The following RNF8 variants were observed in gnomAD, a reference collection of about 807,000 sequenced individuals.
RNF8 encodes E3 ubiquitin-protein ligase RNF8.
A neutral mutation model predicts 59.3 loss-of-function variants in RNF8; 8 were observed. That is an observed-to-expected ratio of 0.13 (90% CI 0.08 to 0.24). The LOEUF is 0.24. Among genes scored for constraint, RNF8 ranks in the 10% least tolerant of loss-of-function variants. RNF8 has a pLI of 1.00. For missense variants in RNF8, 406 were observed against 572.6 expected (o/e 0.71, Z 2.97); for synonymous variants, 162 against 200.0 (o/e 0.81, Z 1.60).
chr6:37,366,881 A>G (rs1017175212), intron 2 of RNF8, among the ~76,000 whole-genome samples: 8 of 152,184 alleles, frequency 5.3e-5, no homozygotes, highest in Non-Finnish European at 8.8e-5. Flanking sequence ...TTTCAAGTCT[A>G]TTTTAGGACC....
At chr6:37,387,798 T>C (rs1481109749) in intron 7 of RNF8, among the ~76,000 whole-genome samples, 1 of 151,920 alleles carries the variant, frequency 6.6e-6, no homozygotes, top group African/African-American at 2.4e-5. Flanking sequence ...AAATAAAGGG[T>C]GCTAAGTCAA....
At chr6:37,356,751 T>TG (rs1276418631) in intron 1 of RNF8, among the ~76,000 whole-genome samples, 14 of 152,262 alleles carry the variant, frequency 9.2e-5, no homozygotes, top group African/African-American at 3.1e-4. Context: ...GGCTTTTTTG[T>TG]GGGGTGTTTT....
Position 37,354,215 on chromosome 6 carries a change from C to T in RNF8, c.51C>T (p.Ser17=), listed in dbSNP as rs1418182761. Residue 17 remains serine, a synonymous_variant, in exon 1 of 8, where the codon AGC becomes AGT. Coordinates refer to ENST00000373479, the MANE Select transcript of RNF8 (RefSeq NM_003958.4). ...CAGGAGACCGCGCCGGTGGCCGGAG[C>T]TGGTGCCTGCGGCGGGTGGGGATGA... ...FVTGDRAGGR[S]WCLRRVGMSA... 1.3e-6 allele frequency: 2 copies of T among 1,585,766 alleles called. No homozygotes were observed. Among genetic ancestry groups the T allele is most frequent in the African/African-American group, 1.3e-5 (1 of 74,442 alleles).
intron 7 of RNF8, among the ~76,000 whole-genome samples, chr6:37,390,155 C>A (rs1427250548): frequency 6.6e-5 from 10 of 152,232 alleles, no homozygotes; most frequent in African/African-American, 2.2e-4. Flanking sequence ...TCTTTAACAT[C>A]TTTAACAGAT....
At chr6:37,389,253 G>C (rs1770632184) in intron 7 of RNF8, among the ~76,000 whole-genome samples, 1 of 151,756 alleles carries the variant, frequency 6.6e-6, no homozygotes, top group Non-Finnish European at 1.5e-5. Context: ...AACAAGATAA[G>C]GATGAAAAAT....
In RNF8 at chr6:37,368,953, C is replaced by T. The variant is rs1311563520; in HGVS notation, c.710C>T (p.Ser237Leu). ...GAGGTTCATCATGAGCAGAAAGCCTCAAACTCTTCAGCATCTCAGAGAAGC... is the reference window on the plus strand; with the variant it reads ...GAGGTTCATCATGAGCAGAAAGCCTTAAACTCTTCAGCATCTCAGAGAAGC... ...VTEVHHEQKA[S>L]NSSASQRSLQ... Residue 237 changes from serine to leucine, a missense_variant, in exon 3 of 8, where the codon TCA (serine) becomes TTA (leucine). Transcript: ENST00000373479. The T allele has an allele frequency of 1.9e-6, 3 of 1,614,208 alleles. No homozygotes were observed. The South Asian group carries it at 3.3e-5, about 18-fold the overall frequency.
intron 2 of RNF8, among the ~76,000 whole-genome samples, chr6:37,362,704 G>T (rs1026302718): frequency 6.6e-6 from 1 of 152,180 alleles, no homozygotes; most frequent in Non-Finnish European, 1.5e-5. Context: ...TATTATTGCT[G>T]TGGTTGTGTT....
rs776349584 is a variant in RNF8, at chr6:37,354,158, G to A, written c.-7G>A. On this transcript the variant is annotated 5_prime_UTR_variant, in exon 1 of 8. Transcript: ENST00000373479. Reference sequence around the variant, plus strand: ...CGGTGCTGACCGCCCCCGGGGTCGAGTAGGCGATGGGGGAGCCCGGCTTCT... The same window carrying A: ...CGGTGCTGACCGCCCCCGGGGTCGAATAGGCGATGGGGGAGCCCGGCTTCT... 1 of 1,569,036 alleles carries A rather than the reference G, an allele frequency of 6.4e-7. No homozygotes were observed. Among genetic ancestry groups the A allele is most frequent in the South Asian group, 1.2e-5 (1 of 85,260 alleles).
At position 37,354,089 on chromosome 6, in the gene RNF8, A is replaced by T. The variant is rs1012034155; in HGVS notation, c.-76A>T. The T allele has an allele frequency of 3.9e-5, 45 of 1,167,348 alleles. 1 individual carries two copies. Among genetic ancestry groups the T allele is most frequent in the Non-Finnish European group, 5.3e-5 (42 of 798,332 alleles). The allele number at this position is 1,167,348 out of a possible 1,614,324, so 72.3% of individuals were successfully genotyped here. On this transcript the variant is annotated 5_prime_UTR_variant, in exon 1 of 8. Transcript: ENST00000373479. The stretch of plus-strand genomic sequence containing the variant: ...GTCTGTTATTTAGATATGGAAGCTG[A>T]GGGGATGCACAGAGGCAGCCAGAAC...
chr6:37,381,585 G>A (rs914092705), intron 7 of RNF8, among the ~76,000 whole-genome samples: 3 of 152,218 alleles, frequency 2.0e-5, no homozygotes, highest in Admixed American at 1.3e-4. Flanking sequence ...GGCTAAGTAT[G>A]TGTGCCTTGG....
chr6:37,364,003 C>A (rs1344171328), intron 2 of RNF8, among the ~76,000 whole-genome samples: 2 of 151,982 alleles, frequency 1.3e-5, no homozygotes, highest in Non-Finnish European at 2.9e-5. Context: ...CATGGTGAAA[C>A]CCCGTCTCTA....
intron 3 of RNF8, 149 bp downstream of exon 3, chr6:37,369,367 G>A: frequency 1.0e-6 from 1 of 989,750 alleles, no homozygotes; most frequent in Non-Finnish European, 1.5e-6. Flanking sequence ...AAACTTTTGA[G>A]ATAAGGGAAG....
rs570178172 is a variant in RNF8, at chr6:37,360,595, C to A, written c.240+21C>A. 3 of 1,589,488 alleles carry A rather than the reference C, an allele frequency of 1.9e-6. No homozygotes were observed. The East Asian group carries it at 6.8e-5, about 36-fold the overall frequency. ...ACAAGGTACAGGAATTCACAGAAGC[C>A]TAATGACTTTTATTTGTTTTTAAAT... On this transcript the variant is annotated intron_variant, in intron 2 of 7. Coordinates refer to ENST00000373479, the MANE Select transcript of RNF8 (RefSeq NM_003958.4). This position sits in a 1 kb window ranked among gnomAD's most constrained non-coding sequence, Gnocchi z 4.2.
chr6:37,389,405 T>A (rs906218520), intron 7 of RNF8, among the ~76,000 whole-genome samples: 1 of 151,866 alleles, frequency 6.6e-6, no homozygotes, highest in African/African-American at 2.4e-5. Flanking sequence ...AGATAACTTC[T>A]TCACAAAATT....
At chr6:37,358,243 A>G (rs1419281289) in intron 1 of RNF8, among the ~76,000 whole-genome samples, 3 of 152,234 alleles carry the variant, frequency 2.0e-5, no homozygotes, top group African/African-American at 7.2e-5. Flanking sequence ...GCACTATGGT[A>G]TGAGTTAAGA....
At chr6:37,358,401 G>A (rs1165075617) in intron 1 of RNF8, among the ~76,000 whole-genome samples, 1 of 152,168 alleles carries the variant, frequency 6.6e-6, no homozygotes, top group Non-Finnish European at 1.5e-5. Flanking sequence ...AAGCTTATGG[G>A]GGCTAGAGTG....
intron 2 of RNF8, among the ~76,000 whole-genome samples, chr6:37,364,894 C>T (rs1397009331): frequency 2.6e-5 from 4 of 152,140 alleles, no homozygotes; most frequent in Non-Finnish European, 5.9e-5. Context: ...CTCAGCCTCC[C>T]GAGTAGCTGG....
intron 3 of RNF8, 32 bp downstream of exon 3, chr6:37,369,250 C>T (rs753162670): frequency 1.3e-6 from 2 of 1,556,610 alleles, no homozygotes; most frequent in Non-Finnish European, 1.7e-6. Flanking sequence ...CAAGAGTGGT[C>T]TTCAGGGGTG....
intron 5 of RNF8, among the ~76,000 whole-genome samples, chr6:37,376,200 C>T (rs944321468): frequency 4.6e-5 from 7 of 152,158 alleles, no homozygotes; most frequent in Non-Finnish European, 1.0e-4. Flanking sequence ...TATGTAATGT[C>T]TGAACTACAG....
Sources: allele counts gnomAD v4.1 joint callset (sites outside exome capture counted in the v4.1 genomes callset), GRCh38; gene constraint gnomAD v4.1.1; non-coding constraint Gnocchi (gnomAD v3.1); transcripts MANE v1.5; gene names NCBI Gene and HGNC (gene_info 2026-07-23, HGNC 2026-07-21).